The following PHKB variants were observed in gnomAD, a reference collection of about 807,000 sequenced individuals.
PHKB encodes the protein phosphorylase b kinase regulatory subunit beta.
Under a neutral mutation model 152.1 loss-of-function variants are expected in PHKB, and 122 were observed. That is an observed-to-expected ratio of 0.80 (90% CI 0.69 to 0.93). The LOEUF (loss-of-function observed/expected upper bound fraction) is 0.93, where lower values mean the gene tolerates loss of function less well. Among genes scored for constraint, PHKB ranks in the 40% least tolerant of loss-of-function variants. PHKB has a pLI of 0.00. For synonymous variants in PHKB, 436 were observed against 464.9 expected (o/e 0.94, Z 0.80); for missense variants, 1,304 against 1,328.4 (o/e 0.98, Z 0.29).
intron 27 of PHKB, among the ~76,000 whole-genome samples, chr16:47,690,927 A>G (rs1974048553): frequency 6.6e-6 from 1 of 152,166 alleles, no homozygotes; most frequent in African/African-American, 2.4e-5. Flanking sequence ...TGCATTGAAA[A>G]GGGCATGATG....
chr16:47,569,563 T>C (rs957995033), intron 7 of PHKB, among the ~76,000 whole-genome samples: 8 of 152,214 alleles, frequency 5.3e-5, no homozygotes, highest in Admixed American at 6.5e-5. Context: ...TGTTACCTAG[T>C]TGCTTTGTTT....
chr16:47,627,899 C>T (rs914398698), intron 14 of PHKB, among the ~76,000 whole-genome samples: 4 of 152,114 alleles, frequency 2.6e-5, no homozygotes, highest in African/African-American at 9.7e-5. Context: ...ACTGGGGGTG[C>T]AGTGTTTCCA....
chr16:47,665,949 G>A (rs1445606956), intron 25 of PHKB: 1 of 1,613,476 alleles, frequency 6.2e-7, no homozygotes. Flanking sequence ...CAGGTCGGTT[G>A]TACGCCGTGC....
intron 14 of PHKB, 53 bp downstream of exon 14, chr16:47,610,973 T>A: frequency 1.8e-6 from 2 of 1,120,270 alleles, no homozygotes; most frequent in Non-Finnish European, 2.7e-6. Context: ...CATTTAAGCT[T>A]AATTGAAGAG....
intron 26 of PHKB, among the ~76,000 whole-genome samples, chr16:47,683,491 C>T (rs548544133): frequency 8.5e-4 from 129 of 152,292 alleles, no homozygotes; most frequent in Middle Eastern, 3.4e-3. Flanking sequence ...CCCTCGCTGC[C>T]GCCTTGCAGT....
chr16:47,547,645 A>C (rs560350130), intron 7 of PHKB, 97 bp downstream of exon 7: 22 of 763,210 alleles, frequency 2.9e-5, no homozygotes, highest in African/African-American at 2.6e-4. Context: ...TGTGATTCAT[A>C]TGTTAATTTG....
intron 6 of PHKB, among the ~76,000 whole-genome samples, chr16:47,526,407 T>TA (rs879298170): frequency 0.011 from 1,541 of 140,240 alleles, 17 homozygotes; most frequent in African/African-American, 0.032. Flanking sequence ...GAGATTCTTC[T>TA]AAAAAAAAAA....
At chr16:47,600,976 G>A (rs1392153931) in intron 13 of PHKB, among the ~76,000 whole-genome samples, 1 of 152,188 alleles carries the variant, frequency 6.6e-6, no homozygotes, top group Non-Finnish European at 1.5e-5. Flanking sequence ...GACTACAGGT[G>A]TGTGCCGCCA....
intron 20 of PHKB, 116 bp from the exon 21 acceptor site, chr16:47,660,390 A>G (rs1973418744): frequency 1.0e-5 from 8 of 800,252 alleles, no homozygotes; most frequent in Non-Finnish European, 1.7e-5. Context: ...AGAATTGTAT[A>G]TATTTTTAAG....
At chr16:47,685,940 A>G (rs1973957748) in intron 26 of PHKB, among the ~76,000 whole-genome samples, 1 of 151,926 alleles carries the variant, frequency 6.6e-6, no homozygotes, top group Admixed American at 6.6e-5. Context: ...ACAGGGTTTC[A>G]CCGTGTTAGC....
At chr16:47,649,226 T>A in intron 18 of PHKB, 22 bp downstream of exon 18, 2 of 1,224,338 alleles carry the variant, frequency 1.6e-6, no homozygotes, top group Non-Finnish European at 2.4e-6. Context: ...ACACCTTTCT[T>A]AAAAATGGAA....
chr16:47,640,037 C>T (rs1394992898), intron 14 of PHKB, among the ~76,000 whole-genome samples: 1 of 152,168 alleles, frequency 6.6e-6, no homozygotes, highest in Non-Finnish European at 1.5e-5. Flanking sequence ...CTTACACATT[C>T]ATTTAAATCA....
intron 16 of PHKB, 85 bp downstream of exon 16, chr16:47,641,777 A>G: frequency 1.3e-5 from 10 of 787,936 alleles, no homozygotes; most frequent in Non-Finnish European, 1.4e-5. Flanking sequence ...CAAGTCACAC[A>G]GTTAAAATCT....
At chr16:47,588,791 G>A (rs1481747186) in intron 9 of PHKB, 114 bp from the exon 10 acceptor site, 15 of 824,210 alleles carry the variant, frequency 1.8e-5, no homozygotes, top group East Asian at 2.5e-5. Flanking sequence ...GGAGCAGAGC[G>A]TGCTCACTTT....
rs369626050 is a variant in PHKB at position 47,624,902 on chromosome 16, C to A, written c.1458+13982C>A. Among the ~76,000 whole-genome samples the A allele has an allele frequency of 3.0e-4, 46 of 152,340 alleles. 1 individual carries two copies. The South Asian group carries it at 9.1e-3, about 30-fold the overall frequency. On this transcript the variant is annotated intron_variant, in intron 14 of 30. Transcript: ENST00000323584. The stretch of plus-strand genomic sequence containing the variant: ...TTAATCTCCTCCTAATTTGATAACT[C>A]CAATGATCTCTTTTCAGATGCCAGT...
intron 6 of PHKB, among the ~76,000 whole-genome samples, chr16:47,531,697 C>T (rs1032229721): frequency 1.3e-4 from 20 of 152,090 alleles, no homozygotes; most frequent in Non-Finnish European, 7.4e-5. Context: ...TGCAATATTA[C>T]GTATATAATG....
At chr16:47,577,159 A>T (rs1231563018) in intron 7 of PHKB, among the ~76,000 whole-genome samples, 6 of 151,682 alleles carry the variant, frequency 4.0e-5, no homozygotes, top group Non-Finnish European at 8.8e-5. Context: ...TTTTTGATTT[A>T]TCAATAGTGG....
chr16:47,592,180 C>G (rs1458743891), intron 10 of PHKB, among the ~76,000 whole-genome samples: 4 of 152,198 alleles, frequency 2.6e-5, no homozygotes, highest in Non-Finnish European at 5.9e-5. Context: ...TTTGCTCCAG[C>G]AGAATTCCAG....
At chr16:47,618,544 C>T (rs1972561397) in intron 14 of PHKB, among the ~76,000 whole-genome samples, 1 of 151,900 alleles carries the variant, frequency 6.6e-6, no homozygotes, top group East Asian at 1.9e-4. Context: ...TTATGATGTC[C>T]CCAAATAGAT....
Sources: allele counts gnomAD v4.1 joint callset (sites outside exome capture counted in the v4.1 genomes callset), GRCh38; gene constraint gnomAD v4.1.1; transcripts MANE v1.5; gene names NCBI Gene and HGNC (gene_info 2026-07-23, HGNC 2026-07-21).